EIF2B3: variants seen among roughly 807,000 people sequenced by gnomAD.
EIF2B3 encodes translation initiation factor eIF2B subunit gamma.
EIF2B3 carries 20 observed loss-of-function variants against 54.1 expected under a neutral mutation model. That is an observed-to-expected ratio of 0.37 (90% CI 0.26 to 0.54). The LOEUF (loss-of-function observed/expected upper bound fraction) is 0.54, where lower values mean the gene tolerates loss of function less well. Ranked by LOEUF, EIF2B3 falls within the 20% of genes least tolerant of loss-of-function variation. EIF2B3 has a pLI of 0.86. For synonymous variants in EIF2B3, 153 were observed against 188.1 expected, an observed-to-expected ratio of 0.81 and a Z score of 1.52; for missense variants, 448 against 547.8, an observed-to-expected ratio of 0.82 and a Z score of 1.82.
At chr1:44,978,702 T>C (rs1373328623) in intron 2 of EIF2B3, among the ~76,000 whole-genome samples, 1 of 140,928 alleles carries the variant, frequency 7.1e-6, no homozygotes, top group Non-Finnish European at 1.5e-5. Context: ...AGTGGCACTG[T>C]CGCAGTTCAC....
At chr1:44,985,033 C>T (rs11806079) in intron 1 of EIF2B3, among the ~76,000 whole-genome samples, 33,533 of 151,092 alleles carry the variant, frequency 0.22, 4,046 homozygotes, top group Admixed American at 0.33. Flanking sequence ...GTCTCGATCT[C>T]CTGACCTCAT....
At chr1:44,935,942 T>G (rs975884965) in intron 4 of EIF2B3, among the ~76,000 whole-genome samples, 3 of 100,144 alleles carry the variant, frequency 3.0e-5, no homozygotes, top group Admixed American at 9.7e-5. Context: ...GGCATTTTGG[T>G]TTTTTTTTTT....
chr1:44,985,406 C>A (rs201162522), intron 1 of EIF2B3, among the ~76,000 whole-genome samples: 1 of 152,048 alleles, frequency 6.6e-6, no homozygotes, highest in African/African-American at 2.4e-5. Context: ...TTAGCCTTTA[C>A]GGGTTTCATT....
chr1:44,931,246 G>T (rs1002052737), intron 4 of EIF2B3, among the ~76,000 whole-genome samples: 1 of 152,172 alleles, frequency 6.6e-6, no homozygotes, highest in East Asian at 1.9e-4. Context: ...TGGAAACTGA[G>T]GTTCAGTCCA....
Position 44,941,500 on chromosome 1 carries a change from C to T in EIF2B3, c.454+6G>A. 7 of 1,604,350 alleles carry T rather than the reference C, an allele frequency of 4.4e-6. No homozygotes were observed. Among genetic ancestry groups the T allele is most frequent in the Non-Finnish European group, 6.0e-6 (7 of 1,176,048 alleles). On this transcript the variant is annotated splice_donor_region_variant and intron_variant, in intron 4 of 11. Coordinates refer to ENST00000360403, the MANE Select transcript of EIF2B3 (RefSeq NM_020365.5). ...AACAAACAAAACAAACTCCAATCTT[C>T]CTTACCTGCTTTTTTTTTCCCCTTT... is the stretch of plus-strand genomic sequence containing the variant.
intron 10 of EIF2B3, among the ~76,000 whole-genome samples, chr1:44,859,263 C>T (rs1026001940): frequency 2.6e-4 from 39 of 152,240 alleles, no homozygotes; most frequent in East Asian, 3.9e-4. Context: ...ATCGCACCAC[C>T]GCACTCTAGC....
chr1:44,885,752 A>AT (rs879823312), intron 6 of EIF2B3, among the ~76,000 whole-genome samples: 59 of 146,676 alleles, frequency 4.0e-4, no homozygotes, highest in Admixed American at 5.5e-4. Flanking sequence ...ACTGTAAAGA[A>AT]TTTTTTTTTT....
chr1:44,948,603 T>C (rs1644128369), intron 3 of EIF2B3, among the ~76,000 whole-genome samples: 1 of 152,040 alleles, frequency 6.6e-6, no homozygotes, highest in Non-Finnish European at 1.5e-5. Context: ...ATAATATATA[T>C]AAAGATAGAC....
chr1:44,887,505 C>T (rs1474985614), intron 6 of EIF2B3, among the ~76,000 whole-genome samples: 2 of 152,166 alleles, frequency 1.3e-5, no homozygotes, highest in African/African-American at 4.8e-5. Flanking sequence ...TGAAGTCTTA[C>T]AGAAATGGCG....
intron 1 of EIF2B3, among the ~76,000 whole-genome samples, chr1:44,984,289 T>C (rs1039868705): frequency 1.3e-5 from 2 of 152,078 alleles, no homozygotes; most frequent in African/African-American, 4.8e-5. Context: ...GCCTAGGAAT[T>C]CTAGAACAGC....
chr1:44,980,476 CA>C (rs879512331), intron 2 of EIF2B3, among the ~76,000 whole-genome samples: 1,739 of 145,624 alleles, frequency 0.012, 34 homozygotes, highest in African/African-American at 0.04. Context: ...GACTCTGTCT[CA>C]AAAAAAAAAC....
intron 3 of EIF2B3, among the ~76,000 whole-genome samples, chr1:44,952,195 C>A (rs1179354484): frequency 7.3e-6 from 1 of 137,516 alleles, no homozygotes; most frequent in Non-Finnish European, 1.6e-5. Flanking sequence ...GATCTCCTGA[C>A]CTCGTGATCC....
At chr1:44,945,884 G>A (rs966943328) in intron 3 of EIF2B3, among the ~76,000 whole-genome samples, 9 of 152,116 alleles carry the variant, frequency 5.9e-5, no homozygotes, top group Non-Finnish European at 1.3e-4. Context: ...CAAGTTTACT[G>A]ATCTACAATA....
At chr1:44,868,397 C>CAAAAAA (rs34094245) in intron 10 of EIF2B3, among the ~76,000 whole-genome samples, 27 of 65,398 alleles carry the variant, frequency 4.1e-4, no homozygotes, top group African/African-American at 8.3e-4. Flanking sequence ...GACTCCGTCT[C>CAAAAAA]AAAAAAAAAA....
Position 44,906,839 on chromosome 1 carries a change from A to G in EIF2B3, c.567-9395T>C, listed in dbSNP as rs574527627. Among the ~76,000 whole-genome samples the G allele has an allele frequency of 2.9e-4, 44 of 152,348 alleles. 1 individual carries two copies. In the South Asian group the frequency reaches 2.9e-3, roughly 10 times the overall value. ...TATATATTAATGCTTACAAATTTAT[A>G]TCTGAAGCATAGTCCTATCCTCTGA... On this transcript the variant is annotated intron_variant, in intron 5 of 11. Coordinates refer to ENST00000360403, the MANE Select transcript of EIF2B3 (RefSeq NM_020365.5).
At position 44,874,667 on chromosome 1, in the gene EIF2B3, G is replaced by A. The variant is rs1655062786; in HGVS notation, c.1202+11C>T. 5 of 1,614,032 alleles carry A rather than the reference G, an allele frequency of 3.1e-6. No individual in the cohort carries two copies. Among genetic ancestry groups the A allele is most frequent in the Non-Finnish European group, 3.4e-6 (4 of 1,179,952 alleles). ...TATCTTTGCCTCAAGTGGGTACAGG[G>A]GGAAACATACCCTTCCTCCACAGTG... On this transcript the variant is annotated intron_variant, in intron 10 of 11. Coordinates refer to ENST00000360403, the MANE Select transcript of EIF2B3 (RefSeq NM_020365.5).
intron 10 of EIF2B3, among the ~76,000 whole-genome samples, chr1:44,870,270 C>A (rs1654926108): frequency 1.3e-5 from 2 of 151,974 alleles, no homozygotes; most frequent in African/African-American, 4.8e-5. Context: ...GACCTCTTTT[C>A]CTAAGCTCTA....
chr1:44,889,060 G>A (rs2148910137), intron 6 of EIF2B3, among the ~76,000 whole-genome samples: 1 of 152,188 alleles, frequency 6.6e-6, no homozygotes, highest in East Asian at 1.9e-4. Context: ...TAGGGAATGA[G>A]TCCTTTCTGG....
rs1425351258 is a variant in EIF2B3, at chr1:44,850,983, T to G, written c.1327A>C (p.Ile443Leu). The G allele has an allele frequency of 6.2e-7, 1 of 1,614,030 alleles. No individual in the cohort carries two copies. The highest frequency in any genetic ancestry group is 8.5e-7 in the Non-Finnish European group (1 of 1,180,002). ...TCCATGAGCTGGTCATTCCCCACGA[T>G]CACCTCATTCACTCGTTTAGCTACA... is the stretch of plus-strand genomic sequence containing the variant. ...EAKAKRVNEVIVGNDQLMEI is the reference protein window; with the variant it reads ...EAKAKRVNEVLVGNDQLMEI Residue 443 changes from isoleucine to leucine, a missense_variant, in exon 12 of 12, where the codon ATC becomes CTC. Physicochemically the swap from Ile to Leu is conservative, Grantham distance 5 (BLOSUM62 2). Transcript: ENST00000360403.
Sources: gnomAD v4.1 joint callset for allele counts (sites outside exome capture counted in the v4.1 genomes callset) on GRCh38, gnomAD v4.1.1 for gene constraint, MANE v1.5 for transcripts, NCBI Gene and HGNC (gene_info 2026-07-23, HGNC 2026-07-21) for gene names.